Variants in SPECC1L observed in about 807,000 individuals in gnomAD.
SPECC1L encodes the protein cytospin-A.
In SPECC1L, 40 loss-of-function variants were observed where a neutral mutation model predicts 116.8. That is an observed-to-expected ratio of 0.34 (90% CI 0.27 to 0.45). The LOEUF is 0.45. Ranked by LOEUF, SPECC1L falls within the 20% of genes least tolerant of loss-of-function variation. The probability of loss-of-function intolerance (pLI) is 1.00; values close to 1 mark genes in which losing one functional copy is unlikely to be tolerated. For missense variants in SPECC1L, 1,110 were observed against 1,373.6 expected, an observed-to-expected ratio of 0.81 and a Z score of 3.03; for synonymous variants, 504 against 500.6, an observed-to-expected ratio of 1.01 and a Z score of -0.09.
intron 13 of SPECC1L, among the ~76,000 whole-genome samples, chr22:24,368,954 A>T (rs1453820739): frequency 6.6e-6 from 1 of 152,188 alleles, no homozygotes; most frequent in Non-Finnish European, 1.5e-5. Context: ...GCACATTTTA[A>T]TTTTAAATGC....
intron 2 of SPECC1L, among the ~76,000 whole-genome samples, chr22:24,296,655 C>T (rs1282170400): frequency 3.9e-5 from 6 of 152,282 alleles, no homozygotes; most frequent in Non-Finnish European, 7.3e-5. Context: ...CTCCTCTGCT[C>T]TGTAATCTCT....
intron 3 of SPECC1L, among the ~76,000 whole-genome samples, chr22:24,308,571 C>T (rs2146426711): frequency 6.6e-6 from 1 of 152,220 alleles, no homozygotes; most frequent in East Asian, 1.9e-4. Context: ...CTAGGTTTCT[C>T]CACTGTCAGG....
intron 11 of SPECC1L, among the ~76,000 whole-genome samples, chr22:24,355,218 G>T (rs994462119): frequency 1.3e-5 from 2 of 148,778 alleles, no homozygotes; most frequent in African/African-American, 5.0e-5. Context: ...GGGAGGCAGA[G>T]GTTGCAATGA....
intron 11 of SPECC1L, among the ~76,000 whole-genome samples, chr22:24,353,480 C>G (rs929024534): frequency 2.6e-5 from 4 of 152,050 alleles, no homozygotes; most frequent in African/African-American, 9.7e-5. Context: ...GATAAGGTCT[C>G]ACTCTGCAAC....
At chr22:24,334,233 C>G (rs111363026) in intron 8 of SPECC1L, among the ~76,000 whole-genome samples, 177 bp from the exon 9 acceptor site, 6 of 151,708 alleles carry the variant, frequency 4.0e-5, no homozygotes, top group African/African-American at 7.3e-5. Flanking sequence ...AAGATGGTCT[C>G]GATCTCCTGA....
chr22:24,373,064 A>G lies in SPECC1L; in HGVS notation c.3087+3744A>G, dbSNP rs192821061. ...AATAAAATACCTAGGAATGCAACTT[A>G]TAAGGGACATGAAGGACCTCTTCAA... On this transcript the variant is annotated intron_variant, in intron 14 of 16. Coordinates refer to ENST00000314328, the MANE Select transcript of SPECC1L (RefSeq NM_015330.6). Among the ~76,000 whole-genome samples, 8 of 152,368 alleles carry G rather than the reference A, an allele frequency of 5.3e-5. 1 individual carries two copies. In the East Asian group the frequency reaches 1.5e-3, roughly 29 times the overall value.
intron 4 of SPECC1L, among the ~76,000 whole-genome samples, chr22:24,316,274 T>TTTATTTATTTATTTA (rs2040561618): frequency 6.7e-6 from 1 of 149,120 alleles, no homozygotes; most frequent in African/African-American, 2.5e-5. Flanking sequence ...CAGATTTTCT[T>TTTATTTATTTATTTA]TTTATTTATT....
At chr22:24,400,088 A>G (rs1243452300) in intron 14 of SPECC1L, among the ~76,000 whole-genome samples, 1 of 152,240 alleles carries the variant, frequency 6.6e-6, no homozygotes, top group African/African-American at 2.4e-5. Context: ...AGTAAAACAT[A>G]TGTAACAAAA....
chr22:24,388,075 C>CTTT (rs148664403), intron 14 of SPECC1L, among the ~76,000 whole-genome samples: 1 of 151,780 alleles, frequency 6.6e-6, no homozygotes, highest in Non-Finnish European at 1.5e-5. Context: ...TCTTAAAATT[C>CTTT]TTTTTTTATT....
intron 8 of SPECC1L, among the ~76,000 whole-genome samples, chr22:24,332,820 A>C (rs1385886619): frequency 6.6e-6 from 1 of 152,194 alleles, no homozygotes; most frequent in African/African-American, 2.4e-5. Flanking sequence ...GTTTTAATGT[A>C]ATGGAAGACA....
chr22:24,377,291 A>G (rs2041989606), intron 14 of SPECC1L, among the ~76,000 whole-genome samples: 1 of 152,006 alleles, frequency 6.6e-6, no homozygotes, highest in Non-Finnish European at 1.5e-5. Flanking sequence ...TGGGGGGGTT[A>G]TTATAAATGT....
At chr22:24,397,686 A>G (rs954672769) in intron 14 of SPECC1L, among the ~76,000 whole-genome samples, 1 of 152,096 alleles carries the variant, frequency 6.6e-6, no homozygotes, top group African/African-American at 2.4e-5. Flanking sequence ...TATAAGTTAT[A>G]TTTTTCAAAT....
Position 24,412,837 on chromosome 22 carries a change from C to CT in SPECC1L, c.3264+131dup, listed in dbSNP as rs1325381593. 6.3e-6 allele frequency: 6 copies of CT among 952,288 alleles called. No homozygotes were observed. The African/African-American group carries it at 9.8e-5, about 15-fold the overall frequency. The allele number at this position is 952,288 out of a possible 1,614,324, so 59.0% of individuals were successfully genotyped here. ...CCTGGTAAAAGGCAGCTATGGGGTG[C>CT]TCTGGGGCCAAGGGAGGGTCCCGTC... On this transcript the variant is annotated intron_variant, in intron 16 of 16. Coordinates refer to ENST00000314328, the MANE Select transcript of SPECC1L (RefSeq NM_015330.6).
rs183066967 is a variant in SPECC1L at position 24,399,129 on chromosome 22, C to T, written c.3088-12459C>T. ...GGCAGTTTCCTGAGTTATCAGAAAG[C>T]AGACATCATGATTCCTGTGTGCTTC... On this transcript the variant is annotated intron_variant, in intron 14 of 16. Coordinates refer to ENST00000314328, the MANE Select transcript of SPECC1L (RefSeq NM_015330.6). Among the ~76,000 whole-genome samples the T allele has an allele frequency of 3.7e-4, 57 of 152,318 alleles. 1 individual carries two copies. The highest frequency in any genetic ancestry group is 3.3e-3 in the Admixed American group (51 of 15,308).
At chr22:24,375,568 G>A (rs554839358) in intron 14 of SPECC1L, among the ~76,000 whole-genome samples, 74 of 152,294 alleles carry the variant, frequency 4.9e-4, no homozygotes, top group African/African-American at 1.7e-3. Flanking sequence ...ACTAGACACT[G>A]TAAAAGCATT....
At chr22:24,337,931 A>T (rs948210974) in intron 9 of SPECC1L, among the ~76,000 whole-genome samples, 1 of 152,102 alleles carries the variant, frequency 6.6e-6, no homozygotes, top group African/African-American at 2.4e-5. Flanking sequence ...GAAGTGATGG[A>T]CTCTGCAGGA....
intron 11 of SPECC1L, among the ~76,000 whole-genome samples, chr22:24,349,075 C>G (rs2041364843): frequency 2.0e-5 from 3 of 152,078 alleles, no homozygotes; most frequent in East Asian, 1.9e-4. Context: ...GAGTCTCACT[C>G]TGTCGCCCAG....
chr22:24,414,049 G>A (rs1444845447), intron 16 of SPECC1L, among the ~76,000 whole-genome samples: 2 of 152,210 alleles, frequency 1.3e-5, no homozygotes, highest in East Asian at 3.8e-4. Context: ...CAGGTCACTG[G>A]CGTTCAGCAG....
At chr22:24,324,930 A>G (rs1047905131) in intron 6 of SPECC1L, among the ~76,000 whole-genome samples, 3 of 152,204 alleles carry the variant, frequency 2.0e-5, no homozygotes, top group African/African-American at 7.2e-5. Context: ...TGATGGAGAT[A>G]TAACCAGAGC....
Sources: gnomAD v4.1 joint callset for allele counts (sites outside exome capture counted in the v4.1 genomes callset) on GRCh38, gnomAD v4.1.1 for gene constraint, MANE v1.5 for transcripts, NCBI Gene and HGNC (gene_info 2026-07-23, HGNC 2026-07-21) for gene names.